MYL4: variants seen among roughly 807,000 people sequenced by gnomAD.
MYL4 encodes atrial myosin light chain 1.
In MYL4, 16 loss-of-function variants were observed where a neutral mutation model predicts 21.6. The observed-to-expected ratio is 0.74, with a 90% CI of 0.50 to 1.12. The LOEUF (loss-of-function observed/expected upper bound fraction) is 1.12, where lower values mean the gene tolerates loss of function less well. Ranked by LOEUF, MYL4 falls within the 50% of genes most tolerant of loss-of-function variation. MYL4 has a pLI of 0.00. For synonymous variants in MYL4, 82 were observed against 95.7 expected, an observed-to-expected ratio of 0.86 and a Z score of 0.83; for missense variants, 249 against 252.9, an observed-to-expected ratio of 0.98 and a Z score of 0.11.
chr17:47,207,038 G>A (rs952557726), upstream of MYL4, among the ~76,000 whole-genome samples: 1 of 152,142 alleles, frequency 6.6e-6, no homozygotes, highest in African/African-American at 2.4e-5. Context: ...TGCGAGCGAA[G>A]GTACAAGGAA....
At chr17:47,211,407 A>G (rs1001110976) in intron 1 of MYL4, among the ~76,000 whole-genome samples, 2 of 152,152 alleles carry the variant, frequency 1.3e-5, no homozygotes, top group African/African-American at 2.4e-5. Context: ...TAAATTATAA[A>G]AAAGATTCGA....
intron 1 of MYL4, among the ~76,000 whole-genome samples, chr17:47,201,766 T>C (rs1420325911): frequency 1.3e-5 from 2 of 152,158 alleles, no homozygotes; most frequent in East Asian, 1.9e-4. Flanking sequence ...GGATTACTTA[T>C]TTATTTTCTT....
upstream of MYL4, among the ~76,000 whole-genome samples, chr17:47,204,309 G>A (rs2064719512): frequency 6.6e-6 from 1 of 152,030 alleles, no homozygotes; most frequent in African/African-American, 2.4e-5. Context: ...TCAAAACAAG[G>A]TCCTCTCCTT....
intron 1 of MYL4, among the ~76,000 whole-genome samples, chr17:47,211,676 A>G (rs1411962654): frequency 1.3e-5 from 2 of 152,010 alleles, no homozygotes; most frequent in African/African-American, 4.8e-5. Flanking sequence ...TTTCCAACCC[A>G]GTTAACTCCC....
downstream of MYL4, among the ~76,000 whole-genome samples, chr17:47,224,188 G>A (rs1330258974): frequency 6.6e-6 from 1 of 152,128 alleles, no homozygotes; most frequent in Non-Finnish European, 1.5e-5. Flanking sequence ...CTGAAACTGG[G>A]AAGAAAAAGA....
intron 6 of MYL4, 112 bp from the exon 7 acceptor site, chr17:47,223,396 AC>A (rs1358611201): frequency 3.0e-5 from 8 of 262,820 alleles, no homozygotes; most frequent in Non-Finnish European, 5.7e-5. Flanking sequence ...TGTGCTCTTG[AC>A]CCCGTTCTTC....
At chr17:47,220,356 GA>G (rs1189021108) in intron 3 of MYL4, among the ~76,000 whole-genome samples, 2 of 152,184 alleles carry the variant, frequency 1.3e-5, no homozygotes, top group East Asian at 3.8e-4. Context: ...TGGGAATCTG[GA>G]AATCTGATAA....
intron 2 of MYL4, among the ~76,000 whole-genome samples, chr17:47,216,727 G>A (rs147943978): frequency 0.02 from 2,882 of 142,880 alleles, 43 homozygotes; most frequent in Middle Eastern, 0.089. Context: ...AGAGTTTTGC[G>A]CTTGTTGCCC....
At chr17:47,227,298 G>A (rs187310548), downstream of MYL4, among the ~76,000 whole-genome samples, 354 of 152,218 alleles carry the variant, frequency 2.3e-3, 1 homozygote, top group African/African-American at 7.9e-3. Flanking sequence ...TACTTTGCCC[G>A]GCCCATAACT....
upstream of MYL4, among the ~76,000 whole-genome samples, chr17:47,196,177 G>A (rs969974354): frequency 3.3e-5 from 5 of 152,242 alleles, no homozygotes; most frequent in East Asian, 1.9e-4. Context: ...GCCCTGATCC[G>A]ACAGAATTAG....
downstream of MYL4, among the ~76,000 whole-genome samples, chr17:47,227,100 C>T (rs1326121608): frequency 6.6e-6 from 1 of 152,218 alleles, no homozygotes; most frequent in African/African-American, 2.4e-5. Context: ...AGGTGATCCA[C>T]CTGCCTTGGC....
intron 2 of MYL4, among the ~76,000 whole-genome samples, chr17:47,218,866 T>C (rs2064834120): frequency 6.6e-6 from 1 of 152,164 alleles, no homozygotes; most frequent in South Asian, 2.1e-4. Flanking sequence ...GTGCCTTCCT[T>C]TGGTCTTGCT....
upstream of MYL4, among the ~76,000 whole-genome samples, chr17:47,198,777 TTC>T (rs2064698686): frequency 6.6e-6 from 1 of 150,768 alleles, no homozygotes; most frequent in Non-Finnish European, 1.5e-5. Flanking sequence ...AGGCCAGGAG[TTC>T]GAGAACACCC....
At chr17:47,225,858 T>C (rs1173006318), downstream of MYL4, among the ~76,000 whole-genome samples, 3 of 104,860 alleles carry the variant, frequency 2.9e-5, no homozygotes, top group Non-Finnish European at 4.4e-5. Context: ...TTCCCTTCTT[T>C]TTTTTTTTTT....
intron 2 of MYL4, among the ~76,000 whole-genome samples, chr17:47,216,665 T>G (rs2064816684): frequency 6.6e-6 from 1 of 152,006 alleles, no homozygotes; most frequent in Non-Finnish European, 1.5e-5. Flanking sequence ...ACCCTCTTAT[T>G]AAGCATCATG....
Position 47,221,647 on chromosome 17 carries a change from A to G in MYL4, c.314-35A>G, listed in dbSNP as rs773083343. Reference sequence around the variant, plus strand: ...TCTGCTCCCTTGAGCACCTGCTCACATTGATTTCTCTTTCTTTACCCTGCC... The same window carrying G: ...TCTGCTCCCTTGAGCACCTGCTCACGTTGATTTCTCTTTCTTTACCCTGCC... On this transcript the variant is annotated intron_variant, in intron 3 of 6. Transcript: ENST00000393450. 8.8e-6 allele frequency: 14 copies of G among 1,592,632 alleles called. No homozygotes were observed. In the East Asian group the frequency reaches 2.5e-4, roughly 28 times the overall value.
chr17:47,217,503 G>A (rs1219709903), intron 2 of MYL4, among the ~76,000 whole-genome samples: 1 of 152,104 alleles, frequency 6.6e-6, no homozygotes, highest in Non-Finnish European at 1.5e-5. Context: ...TATGAGGTAG[G>A]TGTTATTTCC....
the MYL4 span, among the ~76,000 whole-genome samples, chr17:47,192,758 G>A: frequency 6.6e-6 from 1 of 152,034 alleles, no homozygotes; most frequent in Non-Finnish European, 1.5e-5. Context: ...ACTTTGATGG[G>A]GTATTTTGGA....
chr17:47,209,655 A>T, intron 1 of MYL4, 98 bp downstream of exon 1: 2 of 1,589,652 alleles, frequency 1.3e-6, no homozygotes, highest in Middle Eastern at 1.7e-4. Flanking sequence ...CTGGACTGGG[A>T]TGAGGACTAG....
Sources: allele counts gnomAD v4.1 joint callset (sites outside exome capture counted in the v4.1 genomes callset), GRCh38; gene constraint gnomAD v4.1.1; transcripts MANE v1.5; gene names NCBI Gene and HGNC (gene_info 2026-07-23, HGNC 2026-07-21).